Variants in NELL1 observed in about 807,000 individuals in gnomAD.
NELL1 encodes protein kinase C-binding protein NELL1.
A neutral mutation model predicts 107.4 loss-of-function variants in NELL1; 76 were observed. The ratio of observed to expected loss-of-function variants is 0.71; its 90% CI spans 0.59 to 0.86. The LOEUF is 0.86. NELL1 is among the 40% of genes least tolerant of loss of function. The pLI is 0.00. For missense variants in NELL1, 1,024 were observed against 1,005.5 expected (o/e 1.02, Z -0.25); for synonymous variants, 353 against 341.2 (o/e 1.03, Z -0.38).
intron 2 of NELL1, among the ~76,000 whole-genome samples, chr11:20,697,490 T>A (rs144707122): frequency 6.6e-6 from 1 of 151,834 alleles, no homozygotes; most frequent in South Asian, 2.1e-4. Context: ...ATCTTTCAAG[T>A]AGCTTGTTTT....
intron 14 of NELL1, among the ~76,000 whole-genome samples, chr11:21,275,171 A>C (rs1848826647): frequency 6.6e-6 from 1 of 152,228 alleles, no homozygotes; most frequent in Non-Finnish European, 1.5e-5. Context: ...ATAAAGAAGA[A>C]AGGAGAGAAG....
At chr11:21,293,727 C>T (rs4600206) in intron 14 of NELL1, among the ~76,000 whole-genome samples, 139,884 of 152,244 alleles carry the variant, frequency 0.92, 64,457 homozygotes, top group Non-Finnish European at 0.95. Flanking sequence ...GTGGCACATA[C>T]ACACCATGGA....
At chr11:21,232,404 G>A (rs77317665) in intron 14 of NELL1, among the ~76,000 whole-genome samples, 7,130 of 151,246 alleles carry the variant, frequency 0.047, 524 homozygotes, top group African/African-American at 0.16. Context: ...AATCACTAAC[G>A]GAATTTATAT....
intron 15 of NELL1, among the ~76,000 whole-genome samples, chr11:21,450,378 T>C (rs1467806868): frequency 1.3e-5 from 2 of 152,184 alleles, no homozygotes; most frequent in Non-Finnish European, 2.9e-5. Context: ...AGGAAAGCCT[T>C]CTAGAATCAG....
intron 5 of NELL1, among the ~76,000 whole-genome samples, chr11:20,908,866 CA>C (rs1294489653): frequency 6.6e-6 from 1 of 152,162 alleles, no homozygotes; most frequent in Non-Finnish European, 1.5e-5. Flanking sequence ...CTCAAACAGA[CA>C]CTTGTATGTC....
chr11:21,560,148 C>A, intron 16 of NELL1, 41 bp from the exon 17 acceptor site: 1 of 1,584,934 alleles, frequency 6.3e-7, no homozygotes, highest in Non-Finnish European at 8.7e-7. Flanking sequence ...CTCTAAGTTC[C>A]CTTGGCTAGA....
chr11:20,908,302 C>T lies in NELL1; in HGVS notation c.604-9880C>T, dbSNP rs150724339. Among the ~76,000 whole-genome samples the T allele has an allele frequency of 4.8e-3, 729 of 152,184 alleles. 21 individuals carry two copies. Among genetic ancestry groups the T allele is most frequent in the Admixed American group, 0.038 (583 of 15,266 alleles). On this transcript the variant is annotated intron_variant, in intron 5 of 19. Coordinates refer to ENST00000357134, the MANE Select transcript of NELL1 (RefSeq NM_006157.5). ...CAATAGCAAAGACATGGAACTAACCCAAATTCTCAACAATGATAGACTATT... is the reference window on the plus strand; with the variant it reads ...CAATAGCAAAGACATGGAACTAACCTAAATTCTCAACAATGATAGACTATT...
At chr11:21,050,769 G>C (rs191587234) in intron 12 of NELL1, among the ~76,000 whole-genome samples, 1 of 152,226 alleles carries the variant, frequency 6.6e-6, no homozygotes, top group Admixed American at 6.5e-5. Context: ...AAGGAGGTTA[G>C]ACTCTAGGAC....
Position 21,560,263 on chromosome 11 carries a change from G to C in NELL1, c.1861G>C (p.Asp621His). ...SACINLAGGF[D>H]CLCPSGPSCS... ...CTGCATCAACCTGGCAGGGGGCTTT[G>C]ACTGTCTCTGCCCCTCTGGGCCCTC... Residue 621 changes from aspartate (D) to histidine (H), a missense_variant, in exon 17 of 20, where the codon GAC (aspartate) becomes CAC (histidine). By Grantham distance (81) the Asp-to-His change is moderately conservative (BLOSUM62 -1). Transcript: ENST00000357134. 6.2e-7 allele frequency: 1 copy of C among 1,613,622 alleles called. No homozygotes were observed. The highest frequency in any genetic ancestry group is 8.5e-7 in the Non-Finnish European group (1 of 1,179,748).
chr11:20,914,510 A>G (rs1850202842), intron 5 of NELL1, among the ~76,000 whole-genome samples: 1 of 152,138 alleles, frequency 6.6e-6, no homozygotes, highest in African/African-American at 2.4e-5. Flanking sequence ...TCTAAATAGC[A>G]GGCTTCAGGG....
At chr11:20,742,340 C>T (rs1855909959) in intron 2 of NELL1, among the ~76,000 whole-genome samples, 3 of 152,154 alleles carry the variant, frequency 2.0e-5, no homozygotes, top group South Asian at 2.1e-4. Context: ...AGGAAAATGA[C>T]TGAAATCTTT....
intron 12 of NELL1, among the ~76,000 whole-genome samples, chr11:20,992,949 G>A (rs1010345625): frequency 3.9e-4 from 59 of 151,902 alleles, no homozygotes; most frequent in African/African-American, 1.4e-3. Flanking sequence ...TCTTGACCTC[G>A]TGATCCGCCC....
At chr11:21,347,538 G>A (rs890009302) in intron 14 of NELL1, among the ~76,000 whole-genome samples, 5 of 152,130 alleles carry the variant, frequency 3.3e-5, no homozygotes, top group African/African-American at 1.2e-4. Context: ...GGAGGCAGAG[G>A]TTGCAGTGAG....
At chr11:20,764,294 C>T (rs1372511373) in intron 2 of NELL1, among the ~76,000 whole-genome samples, 2 of 152,078 alleles carry the variant, frequency 1.3e-5, no homozygotes, top group East Asian at 1.9e-4. Flanking sequence ...ATATGTGTTA[C>T]AATTATGGTG....
intron 12 of NELL1, among the ~76,000 whole-genome samples, chr11:20,984,083 T>G (rs1851803286): frequency 6.6e-6 from 1 of 152,248 alleles, no homozygotes; most frequent in South Asian, 2.1e-4. Context: ...CTCAGTTAAC[T>G]TCCCTGCCCA....
intron 12 of NELL1, among the ~76,000 whole-genome samples, chr11:21,009,798 G>A (rs1465952322): frequency 6.6e-6 from 1 of 152,052 alleles, no homozygotes; most frequent in African/African-American, 2.4e-5. Context: ...GGAAAAAATG[G>A]TCAGAAGCTT....
intron 12 of NELL1, among the ~76,000 whole-genome samples, chr11:20,974,953 G>C (rs931950278): frequency 6.6e-6 from 1 of 152,084 alleles, no homozygotes; most frequent in Admixed American, 6.6e-5. Context: ...CATTTTTAGT[G>C]AAAGGTTATT....
At chr11:21,499,315 C>G (rs761226819) in intron 15 of NELL1, among the ~76,000 whole-genome samples, 28 of 152,054 alleles carry the variant, frequency 1.8e-4, no homozygotes, top group Non-Finnish European at 3.1e-4. Context: ...ATCTATTTGA[C>G]TAGTCCATCT....
intron 1 of NELL1, among the ~76,000 whole-genome samples, chr11:20,676,803 A>G (rs943437236): frequency 1.3e-5 from 2 of 152,192 alleles, no homozygotes; most frequent in African/African-American, 4.8e-5. Flanking sequence ...TGTCTCAGTG[A>G]CTGCATTACC....
Sources: gnomAD v4.1 joint callset for allele counts (sites outside exome capture counted in the v4.1 genomes callset) on GRCh38, gnomAD v4.1.1 for gene constraint, MANE v1.5 for transcripts, NCBI Gene and HGNC (gene_info 2026-07-23, HGNC 2026-07-21) for gene names.